SUPT3H: variants seen among roughly 807,000 people sequenced by gnomAD.
SUPT3H encodes SPT3 homolog, SAGA and STAGA complex component, also known as transcription initiation protein SPT3 homolog.
Under a neutral mutation model 44.3 loss-of-function variants are expected in SUPT3H, and 44 were observed. The observed-to-expected ratio is 0.99, with a 90% CI of 0.78 to 1.28. The LOEUF (loss-of-function observed/expected upper bound fraction) is 1.28, where lower values mean the gene tolerates loss of function less well. Among genes scored for constraint, SUPT3H ranks in the 50% most tolerant of loss-of-function variants. SUPT3H has a pLI of 0.00. For missense variants in SUPT3H, 380 were observed against 387.1 expected (o/e 0.98, Z 0.15); for synonymous variants, 124 against 125.6 (o/e 0.99, Z 0.09).
At chr6:44,987,639 T>C (rs763207205) in intron 6 of SUPT3H, among the ~76,000 whole-genome samples, 8 of 152,136 alleles carry the variant, frequency 5.3e-5, no homozygotes, top group Non-Finnish European at 7.4e-5. Context: ...TAACCTCTTT[T>C]GAGAAGTTTT....
chr6:45,201,268 T>G (rs1762419538), intron 2 of SUPT3H, among the ~76,000 whole-genome samples: 1 of 151,814 alleles, frequency 6.6e-6, no homozygotes, highest in African/African-American at 2.4e-5. Flanking sequence ...TATGAATTGG[T>G]AAATGCAAAT....
chr6:45,009,994 T>C (rs1583032178), intron 5 of SUPT3H, among the ~76,000 whole-genome samples: 1 of 152,248 alleles, frequency 6.6e-6, no homozygotes, highest in African/African-American at 2.4e-5. Context: ...GTCTTTCCAT[T>C]ACTATCTAGG....
At chr6:44,833,596 G>A (rs1436249721) in intron 10 of SUPT3H, among the ~76,000 whole-genome samples, 1 of 152,086 alleles carries the variant, frequency 6.6e-6, no homozygotes, top group Non-Finnish European at 1.5e-5. Context: ...TCAAAGTAGG[G>A]AGGGGCAAAG....
chr6:45,132,260 G>T (rs1803588707), intron 2 of SUPT3H, among the ~76,000 whole-genome samples: 1 of 152,202 alleles, frequency 6.6e-6, no homozygotes, highest in African/African-American at 2.4e-5. Context: ...CAAACTGAGA[G>T]AGAGGAAGTG....
chr6:45,051,129 T>TCGTG (rs1790235154), intron 3 of SUPT3H, among the ~76,000 whole-genome samples: 2 of 152,128 alleles, frequency 1.3e-5, no homozygotes, highest in Admixed American at 6.6e-5. Context: ...GACCTCGTGA[T>TCGTG]CCACCCGCCT....
intron 2 of SUPT3H, among the ~76,000 whole-genome samples, chr6:45,288,988 T>C (rs968025273): frequency 1.3e-5 from 2 of 152,062 alleles, no homozygotes; most frequent in Non-Finnish European, 2.9e-5. Context: ...TGTCCTCTAA[T>C]ATAGGATCCA....
chr6:45,290,671 C>A (rs1336329324), intron 2 of SUPT3H, among the ~76,000 whole-genome samples: 3 of 152,028 alleles, frequency 2.0e-5, no homozygotes, highest in African/African-American at 7.3e-5. Context: ...TCATTCAAAG[C>A]TAAAAGCAGA....
At chr6:45,305,078 T>A (rs891733760) in intron 2 of SUPT3H, among the ~76,000 whole-genome samples, 2 of 152,240 alleles carry the variant, frequency 1.3e-5, no homozygotes, top group Admixed American at 1.3e-4. Context: ...AGAAAAGTAT[T>A]ATTTTCATGA....
At chr6:45,210,882 T>C (rs751665927) in intron 2 of SUPT3H, among the ~76,000 whole-genome samples, 6 of 152,138 alleles carry the variant, frequency 3.9e-5, no homozygotes, top group Non-Finnish European at 8.8e-5. Context: ...CTTCCAGTCT[T>C]TCTCTTAAAG....
chr6:45,175,518 A>C (rs1584027558), intron 2 of SUPT3H, among the ~76,000 whole-genome samples: 1 of 152,328 alleles, frequency 6.6e-6, no homozygotes, highest in East Asian at 1.9e-4. Flanking sequence ...ATTACAATTC[A>C]AGATGAGACA....
intron 2 of SUPT3H, among the ~76,000 whole-genome samples, chr6:45,167,362 A>C (rs1810058741): frequency 6.6e-6 from 1 of 152,200 alleles, no homozygotes; most frequent in Non-Finnish European, 1.5e-5. Context: ...CACTGCTCTG[A>C]ATGGGCTTAC....
intron 2 of SUPT3H, among the ~76,000 whole-genome samples, chr6:45,211,562 A>G (rs768381259): frequency 6.6e-6 from 1 of 152,026 alleles, no homozygotes; most frequent in Non-Finnish European, 1.5e-5. Flanking sequence ...ATTAAAAGAG[A>G]ATTCTGGGCC....
intron 2 of SUPT3H, among the ~76,000 whole-genome samples, chr6:45,217,889 C>T (rs1053445685): frequency 5.8e-5 from 7 of 121,270 alleles, no homozygotes; most frequent in African/African-American, 2.5e-4. Flanking sequence ...GACTCTGTCT[C>T]AAAAGAAAAA....
chr6:44,932,492 T>G (rs1193868290), intron 10 of SUPT3H, among the ~76,000 whole-genome samples, 161 bp downstream of exon 10: 1 of 152,156 alleles, frequency 6.6e-6, no homozygotes, highest in African/African-American at 2.4e-5. Context: ...GAGATGAAAA[T>G]GACTTTCATT....
chr6:44,995,108 C>G (rs1305976026), intron 6 of SUPT3H, among the ~76,000 whole-genome samples: 1 of 151,946 alleles, frequency 6.6e-6, no homozygotes, highest in Non-Finnish European at 1.5e-5. Context: ...ATTGGAACAG[C>G]AGCTTTCTGA....
rs542172319 is a variant in SUPT3H at position 45,034,427 on chromosome 6, A to C, written c.187-13795T>G. 6.4e-4 allele frequency among the ~76,000 whole-genome samples: 97 copies of C among 152,274 alleles called. 1 individual carries two copies. The highest frequency in any genetic ancestry group is 1.1e-3 in the Non-Finnish European group (76 of 68,016). On this transcript the variant is annotated intron_variant, in intron 3 of 10. Coordinates refer to ENST00000371459, the MANE Select transcript of SUPT3H (RefSeq NM_003599.4). ...AAAAGGATCTAGAGAGAGAAAGAGA[A>C]GACATTTAGTGTCATATAAGTCTTT... is the stretch of plus-strand genomic sequence containing the variant.
chr6:44,827,586 AAAT>A lies in SUPT3H; in HGVS notation c.*2227_*2229del, dbSNP rs1767906981. ...TGCTCTAACATTATGATTATTGAGA[AAAT>A]AATTTACTGAAGTTTTCTTAAACAT... On this transcript the variant is annotated 3_prime_UTR_variant, in exon 11 of 11. Coordinates refer to ENST00000371459, the MANE Select transcript of SUPT3H (RefSeq NM_003599.4). 6.6e-6 allele frequency among the ~76,000 whole-genome samples: 1 copy of A among 152,096 alleles called. No homozygotes were observed. The highest frequency in any genetic ancestry group is 1.5e-5 in the Non-Finnish European group (1 of 67,982).
intron 6 of SUPT3H, among the ~76,000 whole-genome samples, chr6:44,971,577 C>A (rs543982818): frequency 6.6e-6 from 1 of 152,256 alleles, no homozygotes; most frequent in East Asian, 1.9e-4. Flanking sequence ...ATGGGGGTAA[C>A]TGCCCCCCAT....
chr6:44,989,860 A>G (rs544603120), intron 6 of SUPT3H, among the ~76,000 whole-genome samples: 39 of 151,902 alleles, frequency 2.6e-4, no homozygotes, highest in African/African-American at 8.9e-4. Context: ...TTATTTTGCT[A>G]TTGAGTTGTG....
Sources: allele counts gnomAD v4.1 joint callset (sites outside exome capture counted in the v4.1 genomes callset), GRCh38; gene constraint gnomAD v4.1.1; transcripts MANE v1.5; gene names NCBI Gene and HGNC (gene_info 2026-07-23, HGNC 2026-07-21).